Variants in MGAM2 observed in about 807,000 individuals in gnomAD.
MGAM2 encodes the protein maltase-glucoamylase 2 (putative), also known as probable maltase-glucoamylase 2.
A neutral mutation model predicts 96.1 loss-of-function variants in MGAM2; 98 were observed. The observed-to-expected ratio is 1.02, with a 90% CI of 0.87 to 1.21. MGAM2 has a LOEUF of 1.21. Among genes scored for constraint, MGAM2 ranks in the 50% most tolerant of loss-of-function variants. The pLI, the probability that MGAM2 is intolerant of heterozygous loss-of-function variation, is 0.00. For missense variants in MGAM2, 2,055 were observed against 1,182.4 expected (o/e 1.74, Z -10.82); for synonymous variants, 749 against 414.8 (o/e 1.81, Z -9.79).
chr7:142,189,479 G>C lies in MGAM2; in HGVS notation c.4320G>C (p.Gly1440=). The C allele has an allele frequency of 1.2e-6, 1 of 864,752 alleles. No individual in the cohort carries two copies. The highest frequency in any genetic ancestry group is 1.9e-6 in the Non-Finnish European group (1 of 522,020). The allele number at this position is 864,752 out of a possible 1,614,324, so 53.6% of individuals were successfully genotyped here. The part of the protein sequence containing the change: ...VEHYNVHNLY[G]WSQTRPTYEA... ...ACTACAACGTGCACAACCTGTACGG[G>C]TGGTCCCAGACCAGACCCACATACG... The change falls in exon 37 of 48, where the codon GGG becomes GGC. Residue 1440 remains glycine, a synonymous_variant. Coordinates refer to ENST00000477922, the MANE Select transcript of MGAM2 (RefSeq NM_001293626.2).
chr7:142,125,654 G>A (rs1470417298), intron 3 of MGAM2, among the ~76,000 whole-genome samples: 1 of 152,102 alleles, frequency 6.6e-6, no homozygotes, highest in Non-Finnish European at 1.5e-5. Context: ...AGATTGTATG[G>A]TTATAATATA....
chr7:142,135,470 A>C (rs1795030301), intron 7 of MGAM2, among the ~76,000 whole-genome samples: 1 of 151,826 alleles, frequency 6.6e-6, no homozygotes, highest in Admixed American at 6.6e-5. Flanking sequence ...TATTTTAAAA[A>C]TTTTGTCTGT....
At chr7:142,171,180 G>T in intron 27 of MGAM2, 92 bp from the exon 28 acceptor site, 1 of 697,698 alleles carries the variant, frequency 1.4e-6, no homozygotes, top group Non-Finnish European at 2.6e-6. Context: ...AATAATTAAG[G>T]AGGCTTTGGA....
intron 33 of MGAM2, 61 bp downstream of exon 33, chr7:142,183,434 C>A: frequency 1.5e-6 from 1 of 685,782 alleles, no homozygotes. Flanking sequence ...AATAAAACAG[C>A]TCTCAATACA....
chr7:142,117,077 A>G (rs1275045143), intron 2 of MGAM2, 98 bp downstream of exon 2: 4 of 667,498 alleles, frequency 6.0e-6, no homozygotes, highest in East Asian at 2.7e-5. Flanking sequence ...ATATGCCACT[A>G]CATTGCAGTA....
Position 142,183,391 on chromosome 7 carries a change from T to G in MGAM2, c.3924+18T>G. 1 of 700,542 alleles carries G rather than the reference T, an allele frequency of 1.4e-6. No homozygotes were observed. Among genetic ancestry groups the G allele is most frequent in the African/African-American group, 1.7e-5 (1 of 57,282 alleles). 43.4% of individuals were successfully genotyped at this position (700,542 alleles called of 1,614,324 possible). On this transcript the variant is annotated intron_variant, in intron 33 of 47. Coordinates refer to ENST00000477922, the MANE Select transcript of MGAM2 (RefSeq NM_001293626.2). ...GGGGAAAGGTAAGGCTTGGGGAAGA[T>G]GCTTACAGTTAATTAACATTACAAT...
chr7:142,162,034 A>T, intron 23 of MGAM2, 30 bp downstream of exon 23: 1 of 678,456 alleles, frequency 1.5e-6, no homozygotes, highest in Non-Finnish European at 2.7e-6. Context: ...AACACACAGC[A>T]TATGTTCCTT....
At chr7:142,213,754 A>T (rs949656552) in intron 46 of MGAM2, among the ~76,000 whole-genome samples, 1 of 152,122 alleles carries the variant, frequency 6.6e-6, no homozygotes, top group African/African-American at 2.4e-5. Flanking sequence ...ACAAAGAGGA[A>T]CTGGTACCGT....
At chr7:142,193,236 C>A (rs1170900909) in intron 37 of MGAM2, among the ~76,000 whole-genome samples, 1 of 152,194 alleles carries the variant, frequency 6.6e-6, no homozygotes, top group Admixed American at 6.5e-5. Flanking sequence ...TTAGCACATA[C>A]AATCTAAAGA....
At chr7:142,164,815 A>C (rs1252488252) in intron 23 of MGAM2, 41 bp from the exon 24 acceptor site, 1 of 654,712 alleles carries the variant, frequency 1.5e-6, no homozygotes, top group African/African-American at 1.8e-5. Context: ...TAAGGGTCTG[A>C]AGTACCTGGT....
intron 19 of MGAM2, 62 bp downstream of exon 19, chr7:142,158,394 G>A: frequency 1.4e-6 from 1 of 691,200 alleles, no homozygotes; most frequent in South Asian, 1.5e-5. Context: ...TTCTATAGCT[G>A]GATAAGTTGG....
chr7:142,186,448 T>G (rs1796702226), intron 35 of MGAM2, among the ~76,000 whole-genome samples: 1 of 152,142 alleles, frequency 6.6e-6, no homozygotes, highest in Non-Finnish European at 1.5e-5. Context: ...ACCTGAAAGC[T>G]TATTGTAAGG....
At chr7:142,152,337 G>A (rs974600459) in intron 15 of MGAM2, among the ~76,000 whole-genome samples, 2 of 152,128 alleles carry the variant, frequency 1.3e-5, no homozygotes, top group African/African-American at 4.8e-5. Flanking sequence ...TAATAAACCT[G>A]CAGCCAGTGG....
At chr7:142,173,179 C>T (rs1353148577) in intron 30 of MGAM2, 50 bp from the exon 31 acceptor site, 1 of 700,360 alleles carries the variant, frequency 1.4e-6, no homozygotes, top group African/African-American at 1.7e-5. Context: ...AGTCAATCAC[C>T]TTGTCTTCCC....
intron 6 of MGAM2, among the ~76,000 whole-genome samples, chr7:142,132,438 TTAA>T (rs913147205): frequency 6.5e-5 from 9 of 139,158 alleles, no homozygotes; most frequent in Admixed American, 1.5e-4. Context: ...ATTAATATAA[TTAA>T]TAATATTATA....
At chr7:142,184,498 A>G (rs1163173856) in intron 33 of MGAM2, among the ~76,000 whole-genome samples, 2 of 152,238 alleles carry the variant, frequency 1.3e-5, no homozygotes, top group Non-Finnish European at 2.9e-5. Context: ...CTCAGTAAAT[A>G]CAGATCCTGG....
At chr7:142,122,241 T>C (rs774526434) in intron 3 of MGAM2, among the ~76,000 whole-genome samples, 4 of 152,226 alleles carry the variant, frequency 2.6e-5, no homozygotes, top group Non-Finnish European at 5.9e-5. Flanking sequence ...GATTTGAAAG[T>C]AAGTTCTAGA....
chr7:142,140,276 C>G (rs771757464), intron 10 of MGAM2, among the ~76,000 whole-genome samples: 7 of 152,138 alleles, frequency 4.6e-5, no homozygotes, highest in Non-Finnish European at 1.0e-4. Flanking sequence ...GCTCCCTAGG[C>G]TGATATGCAA....
chr7:142,137,566 A>G (rs1795096311), intron 9 of MGAM2, 21 bp downstream of exon 9: 1 of 686,422 alleles, frequency 1.5e-6, no homozygotes, highest in Non-Finnish European at 2.6e-6. Flanking sequence ...GCATTTAGAT[A>G]GTCATTATTT....
Sources: gnomAD v4.1 joint callset for allele counts (sites outside exome capture counted in the v4.1 genomes callset) on GRCh38, gnomAD v4.1.1 for gene constraint, MANE v1.5 for transcripts, NCBI Gene and HGNC (gene_info 2026-07-23, HGNC 2026-07-21) for gene names.